The following VAV1 variants were observed in gnomAD, a reference collection of about 807,000 sequenced individuals.
VAV1 encodes the protein vav guanine nucleotide exchange factor 1.
VAV1 carries 33 observed loss-of-function variants against 128.1 expected under a neutral mutation model. That is an observed-to-expected ratio of 0.26 (90% confidence interval 0.20 to 0.34). VAV1 has a LOEUF of 0.34. VAV1 is among the 10% of genes least tolerant of loss of function. VAV1 has a pLI of 1.00. For missense variants in VAV1, 715 were observed against 1,093.7 expected, an observed-to-expected ratio of 0.65 and a Z score of 4.88; for synonymous variants, 394 against 409.8, an observed-to-expected ratio of 0.96 and a Z score of 0.47.
intron 1 of VAV1, among the ~76,000 whole-genome samples, chr19:6,811,875 C>T (rs1971519764): frequency 2.0e-5 from 3 of 152,190 alleles, no homozygotes; most frequent in South Asian, 4.1e-4. Context: ...GCATGTGCTT[C>T]TAGTTCCAGG....
chr19:6,797,255 A>G (rs1971157398), intron 1 of VAV1, among the ~76,000 whole-genome samples: 1 of 150,630 alleles, frequency 6.6e-6, no homozygotes, highest in African/African-American at 2.4e-5. Context: ...AAAAAATTGC[A>G]TAGTGAATGA....
rs915024748 is a variant in VAV1 at position 6,814,783 on chromosome 19, T to C, written c.205-5919T>C. 2.0e-5 allele frequency among the ~76,000 whole-genome samples: 3 copies of C among 150,422 alleles called. No individual in the cohort carries two copies. In the Admixed American group the frequency reaches 2.0e-4, roughly 10 times the overall value. ...GTACAGGCTGAGATCTTCAATACAA[T>C]GTTGAATAGAAATGGTGATAGCAGG... is the stretch of plus-strand genomic sequence containing the variant. On this transcript the variant is annotated intron_variant, in intron 1 of 26. Transcript: ENST00000602142.
intron 1 of VAV1, among the ~76,000 whole-genome samples, chr19:6,815,713 G>A (rs4807100): frequency 0.34 from 51,827 of 152,024 alleles, 10,173 homozygotes; most frequent in Non-Finnish European, 0.43. Context: ...TTGTATCCCG[G>A]CTGTGTGTCT....
At position 6,836,433 on chromosome 19, in the gene VAV1, T is replaced by C; in HGVS notation, c.1779T>C (p.Gly593=). 6.2e-7 allele frequency: 1 copy of C among 1,614,024 alleles called. No individual in the cohort carries two copies. Residue 593 remains glycine, a splice_region_variant and synonymous_variant, in exon 20 of 27, where the codon GGT becomes GGC. Coordinates refer to ENST00000602142, the MANE Select transcript of VAV1 (RefSeq NM_005428.4). The part of the protein sequence containing the change: ...RAQDKKRNEL[G]LPKMEVFQEY... ...GTACTCCTGTACCCTGTCCTCCAGGTCTGCCCAAGATGGAGGTGTTTCAGG... is the reference window on the plus strand; with the variant it reads ...GTACTCCTGTACCCTGTCCTCCAGGCCTGCCCAAGATGGAGGTGTTTCAGG...
At chr19:6,776,352 C>G (rs1970633774) in intron 1 of VAV1, among the ~76,000 whole-genome samples, 1 of 130,814 alleles carries the variant, frequency 7.6e-6, no homozygotes, top group Non-Finnish European at 1.6e-5. Context: ...ATCCACTCAT[C>G]TATCCATCCA....
rs1039574181 is a variant in VAV1 at position 6,837,035 on chromosome 19, G to C, written c.1965G>C (p.Val655=). ...TTGGCTGGTTTCCTTGTAACAGGGT[G>C]AAGCCCTATGTCCATGTGAGTGCCT... ...NEIGWFPCNR[V]KPYVHGPPQD... Residue 655 remains valine, a synonymous_variant, in exon 21 of 27, where the codon GTG becomes GTC. Transcript: ENST00000602142. 4.3e-6 allele frequency: 7 copies of C among 1,614,000 alleles called. No individual in the cohort carries two copies. In the African/African-American group the frequency reaches 8.0e-5, roughly 18 times the overall value.
intron 1 of VAV1, among the ~76,000 whole-genome samples, chr19:6,798,945 C>G (rs935840864): frequency 2.7e-5 from 4 of 148,650 alleles, no homozygotes; most frequent in Non-Finnish European, 6.0e-5. Flanking sequence ...CTCATTCCCT[C>G]GTACCTCCTG....
intron 1 of VAV1, among the ~76,000 whole-genome samples, chr19:6,780,068 G>A (rs1287552103): frequency 2.0e-5 from 3 of 146,852 alleles, no homozygotes; most frequent in African/African-American, 5.0e-5. Context: ...CCGAGATCAG[G>A]CCACTGCACT....
rs1971416983 is a variant in VAV1 at position 6,807,368 on chromosome 19, C to T, written c.205-13334C>T. ...CACCAGATTCCCGATAAGGAGCGCA[C>T]AAGGTAGATCCCTCACATGTGGAGT... On this transcript the variant is annotated intron_variant, in intron 1 of 26. Transcript: ENST00000602142. 2.0e-5 allele frequency among the ~76,000 whole-genome samples: 3 copies of T among 152,034 alleles called. No homozygotes were observed. The South Asian group carries it at 6.2e-4, about 32-fold the overall frequency.
intron 1 of VAV1, among the ~76,000 whole-genome samples, chr19:6,774,821 CTT>C (rs894273453): frequency 4.0e-5 from 6 of 151,792 alleles, no homozygotes; most frequent in Non-Finnish European, 5.9e-5. Flanking sequence ...GTGGTGCAAT[CTT>C]GGCTCACTGC....
intron 21 of VAV1, among the ~76,000 whole-genome samples, chr19:6,838,117 A>ATCTATCTG (rs1273219625): frequency 6.6e-6 from 1 of 151,332 alleles, no homozygotes; most frequent in Non-Finnish European, 1.5e-5. Flanking sequence ...CTATCTATCT[A>ATCTATCTG]TCTATCTATC....
At chr19:6,829,951 C>T (rs766989630) in intron 14 of VAV1, 33 bp downstream of exon 14, 4 of 1,613,462 alleles carry the variant, frequency 2.5e-6, no homozygotes, top group Non-Finnish European at 2.5e-6. Context: ...ATGGGGTCCT[C>T]CACGCAGTCG....
chr19:6,822,530 C>A lies in VAV1; in HGVS notation c.654+16C>A. The A allele has an allele frequency of 2.6e-6, 4 of 1,543,064 alleles. No individual in the cohort carries two copies. Among genetic ancestry groups the A allele is most frequent in the Non-Finnish European group, 3.5e-6 (4 of 1,146,206 alleles). On this transcript the variant is annotated intron_variant, in intron 6 of 26. Coordinates refer to ENST00000602142, the MANE Select transcript of VAV1 (RefSeq NM_005428.4). The surrounding 1 kb of genome is among the most constrained non-coding windows in gnomAD (Gnocchi z 5.9). ...CATCCAGCAGGTGGGCGCCTCCCAC[C>A]CAGCGCCTGCCGGGCGCATGCGCGG...
At chr19:6,813,910 A>G (rs1329650637) in intron 1 of VAV1, among the ~76,000 whole-genome samples, 1 of 152,020 alleles carries the variant, frequency 6.6e-6, no homozygotes, top group South Asian at 2.1e-4. Context: ...TTAAAAAAAA[A>G]TTAGCCAGGT....
chr19:6,825,217 G>A (rs1971888487), intron 7 of VAV1, 86 bp from the exon 8 acceptor site: 25 of 1,572,526 alleles, frequency 1.6e-5, no homozygotes, highest in Middle Eastern at 2.3e-4. Context: ...GGAGTTGAGC[G>A]GCATGGGGCG....
intron 22 of VAV1, among the ~76,000 whole-genome samples, chr19:6,845,992 G>T (rs1463250455): frequency 6.8e-6 from 1 of 148,000 alleles, no homozygotes; most frequent in Non-Finnish European, 1.5e-5. Context: ...ATACTATACT[G>T]TAGCTTTATA....
chr19:6,783,547 T>C (rs7250137), intron 1 of VAV1, among the ~76,000 whole-genome samples: 1 of 150,410 alleles, frequency 6.6e-6, no homozygotes, highest in African/African-American at 2.5e-5. Context: ...CGATCTCTGT[T>C]CAGTGCATCA....
At chr19:6,840,131 T>C (rs1015005984) in intron 21 of VAV1, among the ~76,000 whole-genome samples, 5 of 152,094 alleles carry the variant, frequency 3.3e-5, no homozygotes, top group Non-Finnish European at 7.4e-5. Flanking sequence ...CCTATTCCCC[T>C]CTCCCAGCCC....
chr19:6,784,090 C>A (rs1453057017), intron 1 of VAV1: 3 of 419,296 alleles, frequency 7.2e-6, no homozygotes, highest in African/African-American at 6.1e-5. Context: ...CCCGTCTCTA[C>A]AAAAAATAAA....
Sources: gnomAD v4.1 joint callset for allele counts (sites outside exome capture counted in the v4.1 genomes callset) on GRCh38, gnomAD v4.1.1 for gene constraint, Gnocchi (gnomAD v3.1) non-coding constraint, MANE v1.5 for transcripts, NCBI Gene and HGNC (gene_info 2026-07-23, HGNC 2026-07-21) for gene names.